RBFOX1: variants seen among roughly 807,000 people sequenced by gnomAD.
RBFOX1 encodes RNA binding protein fox-1 homolog 1.
A neutral mutation model predicts 57.7 loss-of-function variants in RBFOX1; 8 were observed. The observed-to-expected ratio is 0.14, with a 90% confidence interval of 0.08 to 0.25. The LOEUF (loss-of-function observed/expected upper bound fraction) is 0.25. Ranked by LOEUF, RBFOX1 falls within the 10% of genes least tolerant of loss-of-function variation. The pLI, the probability that RBFOX1 is intolerant of heterozygous loss-of-function variation, is 1.00. For synonymous variants in RBFOX1, 326 were observed against 222.4 expected (o/e 1.47, Z -4.15); for missense variants, 611 against 548.5 (o/e 1.11, Z -1.14).
intron 1 of RBFOX1, among the ~76,000 whole-genome samples, chr16:6,120,623 C>T (rs1019386519): frequency 1.3e-4 from 20 of 152,234 alleles, no homozygotes; most frequent in African/African-American, 4.6e-4. Flanking sequence ...CATCTTGGCT[C>T]AGTGAATATA....
intron 4 of RBFOX1, among the ~76,000 whole-genome samples, chr16:7,113,045 C>T (rs1327064342): frequency 6.6e-6 from 1 of 152,160 alleles, no homozygotes; most frequent in African/African-American, 2.4e-5. Flanking sequence ...TCAGAGAAAG[C>T]CTTGCAACCT....
chr16:7,257,028 C>A (rs532414787), intron 4 of RBFOX1, among the ~76,000 whole-genome samples: 5 of 152,248 alleles, frequency 3.3e-5, no homozygotes, highest in African/African-American at 1.2e-4. Flanking sequence ...CTGATCCGAC[C>A]CTCCTGGAGA....
intron 4 of RBFOX1, among the ~76,000 whole-genome samples, chr16:7,055,486 C>A (rs2051841653): frequency 6.6e-6 from 1 of 152,144 alleles, no homozygotes. Flanking sequence ...AAGATGTCTG[C>A]CATCTACCCC....
chr16:5,494,101 A>G (rs2042922759), intron 2 of RBFOX1, among the ~76,000 whole-genome samples: 1 of 151,956 alleles, frequency 6.6e-6, no homozygotes, highest in Non-Finnish European at 1.5e-5. Context: ...GCTTGTCCTT[A>G]CTCACGTGCT....
At chr16:5,963,203 G>A (rs1027162645) in intron 4 of RBFOX1, among the ~76,000 whole-genome samples, 4 of 152,192 alleles carry the variant, frequency 2.6e-5, no homozygotes, top group Non-Finnish European at 5.9e-5. Flanking sequence ...TAATGCTGCT[G>A]TATCAAACCC....
At chr16:7,042,072 T>C (rs990520961) in intron 3 of RBFOX1, among the ~76,000 whole-genome samples, 5 of 152,238 alleles carry the variant, frequency 3.3e-5, no homozygotes, top group African/African-American at 1.2e-4. Context: ...GCCCAGTGCT[T>C]TGATATCAGA....
At chr16:6,860,048 A>C (rs945143485) in intron 3 of RBFOX1, among the ~76,000 whole-genome samples, 3 of 152,198 alleles carry the variant, frequency 2.0e-5, no homozygotes, top group Non-Finnish European at 4.4e-5. Context: ...GGAACGAGCT[A>C]TAATACCGAG....
intron 1 of RBFOX1, among the ~76,000 whole-genome samples, chr16:5,255,215 C>T (rs1478306446): frequency 6.6e-6 from 1 of 152,180 alleles, no homozygotes; most frequent in Non-Finnish European, 1.5e-5. Flanking sequence ...TGCCCACCCA[C>T]CTGCAGGTGA....
intron 2 of RBFOX1, among the ~76,000 whole-genome samples, chr16:6,603,816 G>C (rs781076988): frequency 1.3e-5 from 2 of 152,070 alleles, no homozygotes; most frequent in Non-Finnish European, 2.9e-5. Context: ...CCTGCTGTTT[G>C]GGTACTTTAT....
chr16:6,533,849 T>C (rs1225039637), intron 2 of RBFOX1, among the ~76,000 whole-genome samples: 2 of 152,124 alleles, frequency 1.3e-5, no homozygotes, highest in African/African-American at 4.8e-5. Flanking sequence ...ACACAGTACG[T>C]ACTAAACATA....
At chr16:6,000,173 G>A (rs1251392413) in intron 4 of RBFOX1, among the ~76,000 whole-genome samples, 1 of 152,136 alleles carries the variant, frequency 6.6e-6, no homozygotes, top group Non-Finnish European at 1.5e-5. Context: ...TTTACAGGAT[G>A]TGTTTTCTGG....
chr16:6,591,289 T>A (rs2097706975), intron 2 of RBFOX1, among the ~76,000 whole-genome samples: 1 of 151,996 alleles, frequency 6.6e-6, no homozygotes, highest in South Asian at 2.1e-4. Flanking sequence ...CTACTAAAAA[T>A]ATATATTTTT....
intron 3 of RBFOX1, among the ~76,000 whole-genome samples, chr16:6,883,816 T>C (rs777668476): frequency 2.0e-5 from 3 of 152,032 alleles, no homozygotes; most frequent in Non-Finnish European, 4.4e-5. Flanking sequence ...CTTTTCTCTA[T>C]TATTATCTCT....
At chr16:7,702,640 G>T (rs1338181613) in intron 14 of RBFOX1, among the ~76,000 whole-genome samples, 1 of 152,300 alleles carries the variant, frequency 6.6e-6, no homozygotes, top group South Asian at 2.1e-4. Flanking sequence ...TTCTGGTCTT[G>T]TTCTTTCTTT....
intron 3 of RBFOX1, among the ~76,000 whole-genome samples, chr16:6,707,658 C>T (rs755456880): frequency 3.3e-5 from 5 of 152,010 alleles, no homozygotes; most frequent in Non-Finnish European, 5.9e-5. Flanking sequence ...AAAGGAAGGG[C>T]ATGTACATTT....
chr16:5,541,775 G>C (rs903633876), intron 2 of RBFOX1, among the ~76,000 whole-genome samples: 2 of 152,122 alleles, frequency 1.3e-5, no homozygotes, highest in Admixed American at 1.3e-4. Flanking sequence ...ATTTAAACAA[G>C]GAGTTGTATT....
intron 3 of RBFOX1, among the ~76,000 whole-genome samples, chr16:5,703,631 G>A (rs1414748238): frequency 2.0e-5 from 3 of 152,124 alleles, no homozygotes; most frequent in Non-Finnish European, 4.4e-5. Flanking sequence ...TTGCATTTGG[G>A]TTTCAGCTCA....
At chr16:7,348,866 C>G (rs2097071544) in intron 4 of RBFOX1, among the ~76,000 whole-genome samples, 1 of 152,054 alleles carries the variant, frequency 6.6e-6, no homozygotes, top group African/African-American at 2.4e-5. Flanking sequence ...CCCTTGAACC[C>G]AGGAGGCGGA....
Position 6,748,073 on chromosome 16 carries a change from T to C in RBFOX1, c.-16+93423T>C, listed in dbSNP as rs189520343. Among the ~76,000 whole-genome samples the C allele has an allele frequency of 2.0e-4, 30 of 152,318 alleles. 1 individual carries two copies. The East Asian group carries it at 5.0e-3, about 25-fold the overall frequency. On this transcript the variant is annotated intron_variant, in intron 3 of 15. Transcript: ENST00000550418. ...TTATTGAACCATTTTCCTGATACTT[T>C]TTTTGTGTTAACTGAACTTGTATAT... is the stretch of plus-strand genomic sequence containing the variant.
Sources: allele counts gnomAD v4.1 joint callset (sites outside exome capture counted in the v4.1 genomes callset), GRCh38; gene constraint gnomAD v4.1.1; transcripts MANE v1.5; gene names NCBI Gene and HGNC (gene_info 2026-07-23, HGNC 2026-07-21).